Variants in TMEM266 observed in about 807,000 individuals in gnomAD.
TMEM266 encodes Hv1 related protein 1.
Under a neutral mutation model 50.5 loss-of-function variants are expected in TMEM266, and 33 were observed. That is an observed-to-expected ratio of 0.65 (90% CI 0.50 to 0.87). The LOEUF (loss-of-function observed/expected upper bound fraction) is 0.87. Ranked by LOEUF, TMEM266 falls within the 40% of genes least tolerant of loss-of-function variation. The probability of loss-of-function intolerance (pLI) is 0.00; values close to 1 mark genes in which losing one functional copy is unlikely to be tolerated. For missense variants in TMEM266, 655 were observed against 695.1 expected, an observed-to-expected ratio of 0.94 and a Z score of 0.65; for synonymous variants, 310 against 292.3, an observed-to-expected ratio of 1.06 and a Z score of -0.62.
chr15:76,191,956 C>A lies in TMEM266; in HGVS notation c.769-12C>A. On this transcript the variant is annotated splice_polypyrimidine_tract_variant and intron_variant, in intron 8 of 10. Coordinates refer to ENST00000388942, the MANE Select transcript of TMEM266 (RefSeq NM_152335.3). ...TCGCCGCTGATTCAGCCTTGCCCGT[C>A]TCCCTCCGCAGTTTGAGATCCGGCA... is the stretch of plus-strand genomic sequence containing the variant. 1 of 1,575,414 alleles carries A rather than the reference C, an allele frequency of 6.3e-7. No homozygotes were observed. The highest frequency in any genetic ancestry group is 1.8e-5 in the Admixed American group (1 of 56,072).
intron 1 of TMEM266, among the ~76,000 whole-genome samples, chr15:76,093,663 G>A (rs2036884594): frequency 6.6e-6 from 1 of 151,972 alleles, no homozygotes; most frequent in African/African-American, 2.4e-5. Context: ...GGTATTTCTA[G>A]TTCTAGATCC....
At chr15:76,142,261 T>C (rs1325916640) in intron 3 of TMEM266, among the ~76,000 whole-genome samples, 1 of 152,180 alleles carries the variant, frequency 6.6e-6, no homozygotes, top group Non-Finnish European at 1.5e-5. Flanking sequence ...TGGTGGCGCA[T>C]GCCTGTAATC....
At chr15:76,170,808 G>A (rs2038175521) in intron 6 of TMEM266, among the ~76,000 whole-genome samples, 185 bp from the exon 7 acceptor site, 1 of 152,160 alleles carries the variant, frequency 6.6e-6, no homozygotes, top group Admixed American at 6.5e-5. Flanking sequence ...TCAGGAGAAC[G>A]TCTAGGAGGA....
chr15:76,190,693 C>G lies in TMEM266; in HGVS notation c.769-1275C>G, dbSNP rs554268912. Among the ~76,000 whole-genome samples the G allele has an allele frequency of 2.0e-5, 3 of 152,308 alleles. No individual in the cohort carries two copies. In the East Asian group the frequency reaches 5.8e-4, roughly 29 times the overall value. On this transcript the variant is annotated intron_variant, in intron 8 of 10. Transcript: ENST00000388942. ...CACTTGAGGAACAGGTTTGGAGAGA[C>G]AGTGAGGAGTCCTGCTTTGACCAGA...
At chr15:76,111,556 C>T (rs889568268) in intron 1 of TMEM266, among the ~76,000 whole-genome samples, 5 of 152,058 alleles carry the variant, frequency 3.3e-5, no homozygotes, top group African/African-American at 7.2e-5. Context: ...TACAGGCGCC[C>T]GCCACCATGC....
chr15:76,166,884 G>A (rs1200675947), intron 5 of TMEM266, among the ~76,000 whole-genome samples: 1 of 152,202 alleles, frequency 6.6e-6, no homozygotes, highest in Non-Finnish European at 1.5e-5. Flanking sequence ...GCACAGCAGT[G>A]TGAATGTACT....
rs183950901 is a variant in TMEM266, at chr15:76,165,391, A to G, written c.457-4425A>G. ...CTCAAATGGTATAAAAACTTTGCTCATAATACTCAATAAATGGCACCATCC... is the reference window on the plus strand; with the variant it reads ...CTCAAATGGTATAAAAACTTTGCTCGTAATACTCAATAAATGGCACCATCC... On this transcript the variant is annotated intron_variant, in intron 5 of 10. Coordinates refer to ENST00000388942, the MANE Select transcript of TMEM266 (RefSeq NM_152335.3). Among the ~76,000 whole-genome samples the G allele has an allele frequency of 2.8e-4, 42 of 152,384 alleles. No individual in the cohort carries two copies. The East Asian group carries it at 4.2e-3, about 15-fold the overall frequency.
At chr15:76,102,878 G>T (rs537259262) in intron 1 of TMEM266, among the ~76,000 whole-genome samples, 1 of 150,244 alleles carries the variant, frequency 6.7e-6, no homozygotes, top group Non-Finnish European at 1.5e-5. Context: ...AGTGTGGCTA[G>T]AGAGGTTAAC....
intron 1 of TMEM266, among the ~76,000 whole-genome samples, chr15:76,130,561 G>C (rs767313076): frequency 2.0e-5 from 3 of 152,232 alleles, no homozygotes; most frequent in Admixed American, 6.5e-5. Context: ...TTGACTTGGG[G>C]ATGATGATAG....
intron 3 of TMEM266, among the ~76,000 whole-genome samples, chr15:76,144,669 C>T (rs1039979332): frequency 1.3e-5 from 2 of 152,208 alleles, no homozygotes; most frequent in Non-Finnish European, 2.9e-5. Flanking sequence ...GCTGGGCTGG[C>T]ACATCATGCC....
intron 1 of TMEM266, among the ~76,000 whole-genome samples, chr15:76,074,580 G>A (rs999122551): frequency 2.5e-4 from 38 of 152,136 alleles, no homozygotes; most frequent in African/African-American, 5.1e-4. Context: ...TGAGAATGTC[G>A]AGATTAAGGG....
At chr15:76,149,253 C>T (rs957812350) in intron 3 of TMEM266, among the ~76,000 whole-genome samples, 5 of 152,306 alleles carry the variant, frequency 3.3e-5, no homozygotes, top group Admixed American at 2.0e-4. Context: ...ACACAGTGAG[C>T]CCATTTCTTT....
chr15:76,107,201 A>G (rs1567153168), intron 1 of TMEM266, among the ~76,000 whole-genome samples: 2 of 152,354 alleles, frequency 1.3e-5, no homozygotes, highest in Non-Finnish European at 1.5e-5. Flanking sequence ...TTATTTCAAC[A>G]TGTAATCAAT....
chr15:76,171,239 G>A (rs987257725), intron 7 of TMEM266, 108 bp downstream of exon 7: 56 of 1,448,328 alleles, frequency 3.9e-5, no homozygotes, highest in Admixed American at 6.9e-5. Context: ...GCGTCAGGAC[G>A]GAAGGTGAAA....
At chr15:76,169,987 A>G in intron 6 of TMEM266, 115 bp downstream of exon 6, 3 of 1,079,646 alleles carry the variant, frequency 2.8e-6, no homozygotes, top group South Asian at 1.4e-5. Context: ...TCCTTCTCCC[A>G]CTTGACCTCT....
intron 1 of TMEM266, among the ~76,000 whole-genome samples, chr15:76,114,877 T>C (rs1293678297): frequency 1.3e-5 from 2 of 152,234 alleles, no homozygotes; most frequent in Non-Finnish European, 2.9e-5. Flanking sequence ...ATCCATTCTA[T>C]TTCTTATAAA....
chr15:76,080,859 A>T (rs1596090233), intron 1 of TMEM266, among the ~76,000 whole-genome samples: 1 of 150,482 alleles, frequency 6.6e-6, no homozygotes, highest in Admixed American at 6.6e-5. Flanking sequence ...CAGTCCTCCC[A>T]CCTCAGCCTC....
chr15:76,151,188 G>C (rs1361218366), intron 3 of TMEM266, among the ~76,000 whole-genome samples: 4 of 152,082 alleles, frequency 2.6e-5, no homozygotes, highest in African/African-American at 9.7e-5. Context: ...GCCTTGATGG[G>C]CCGACGCTGA....
chr15:76,117,604 T>C (rs2037271197), intron 1 of TMEM266, among the ~76,000 whole-genome samples: 1 of 152,166 alleles, frequency 6.6e-6, no homozygotes, highest in South Asian at 2.1e-4. Context: ...GATGAGAATA[T>C]ATCTGCCGTT....
Sources: gnomAD v4.1 joint callset for allele counts (sites outside exome capture counted in the v4.1 genomes callset) on GRCh38, gnomAD v4.1.1 for gene constraint, MANE v1.5 for transcripts, NCBI Gene and HGNC (gene_info 2026-07-23, HGNC 2026-07-21) for gene names.